RBFOX1: variants seen among roughly 807,000 people sequenced by gnomAD.
RBFOX1 encodes the protein RNA binding protein fox-1 homolog 1.
A neutral mutation model predicts 57.7 loss-of-function variants in RBFOX1; 8 were observed. That is an observed-to-expected ratio of 0.14 (90% CI 0.08 to 0.25). The LOEUF (loss-of-function observed/expected upper bound fraction) is 0.25. RBFOX1 is among the 10% of genes least tolerant of loss of function. RBFOX1 has a pLI of 1.00. For synonymous variants in RBFOX1, 326 were observed against 222.4 expected (o/e 1.47, Z -4.15); for missense variants, 611 against 548.5 (o/e 1.11, Z -1.14).
intron 3 of RBFOX1, among the ~76,000 whole-genome samples, chr16:6,735,221 G>A (rs879706916): frequency 6.6e-6 from 1 of 152,128 alleles, no homozygotes; most frequent in African/African-American, 2.4e-5. Flanking sequence ...ATTGCTAGAT[G>A]CACATGATTT....
intron 3 of RBFOX1, among the ~76,000 whole-genome samples, chr16:5,764,618 A>G (rs896550310): frequency 6.6e-6 from 1 of 152,152 alleles, no homozygotes; most frequent in Non-Finnish European, 1.5e-5. Flanking sequence ...GCATGCTGAG[A>G]CCTGGTAAGG....
intron 4 of RBFOX1, among the ~76,000 whole-genome samples, chr16:7,465,842 T>A (rs774658463): frequency 6.6e-6 from 1 of 152,212 alleles, no homozygotes; most frequent in Non-Finnish European, 1.5e-5. Context: ...CTGGAATAAC[T>A]GATGTCGAGT....
At chr16:5,532,382 G>A (rs2044518142) in intron 2 of RBFOX1, among the ~76,000 whole-genome samples, 1 of 152,070 alleles carries the variant, frequency 6.6e-6, no homozygotes, top group African/African-American at 2.4e-5. Context: ...TGTAGAATAC[G>A]GCATCAGTAC....
intron 1 of RBFOX1, among the ~76,000 whole-genome samples, chr16:6,043,202 G>C (rs1164506612): frequency 6.9e-6 from 1 of 145,454 alleles, no homozygotes; most frequent in African/African-American, 2.5e-5. Flanking sequence ...TGTTACGTAG[G>C]TTAAGCTTTC....
At chr16:5,841,723 G>T (rs1321375453) in intron 3 of RBFOX1, among the ~76,000 whole-genome samples, 1 of 152,174 alleles carries the variant, frequency 6.6e-6, no homozygotes, top group Non-Finnish European at 1.5e-5. Context: ...GGCCTGTAGA[G>T]GCCCAGTGCT....
intron 2 of RBFOX1, among the ~76,000 whole-genome samples, chr16:6,404,384 G>T (rs983717500): frequency 6.6e-6 from 1 of 152,068 alleles, no homozygotes; most frequent in African/African-American, 2.4e-5. Flanking sequence ...AATTTCTGTG[G>T]CTACTGAGGG....
intron 14 of RBFOX1, among the ~76,000 whole-genome samples, chr16:7,686,824 T>C (rs1454934847): frequency 2.0e-5 from 3 of 152,076 alleles, no homozygotes; most frequent in Admixed American, 6.6e-5. Flanking sequence ...CAGTGGGAAC[T>C]GGGGAGAATG....
At chr16:5,365,048 A>T (rs1369482020) in intron 1 of RBFOX1, among the ~76,000 whole-genome samples, 1 of 152,140 alleles carries the variant, frequency 6.6e-6, no homozygotes, top group Non-Finnish European at 1.5e-5. Context: ...ATTTGAGGTG[A>T]TTCCTCAGGG....
intron 4 of RBFOX1, among the ~76,000 whole-genome samples, chr16:7,152,889 A>C (rs904025045): frequency 1.3e-5 from 2 of 152,228 alleles, no homozygotes; most frequent in Non-Finnish European, 2.9e-5. Flanking sequence ...TCAAGTGGAC[A>C]TAAAAATGCA....
chr16:6,819,636 C>G (rs111501287), intron 3 of RBFOX1, among the ~76,000 whole-genome samples: 2 of 128,064 alleles, frequency 1.6e-5, no homozygotes, highest in Non-Finnish European at 3.1e-5. Flanking sequence ...ACCTGGGAAG[C>G]GGAGGTTGCA....
chr16:5,467,986 G>A (rs982251067), intron 2 of RBFOX1, among the ~76,000 whole-genome samples: 2 of 152,170 alleles, frequency 1.3e-5, no homozygotes, highest in Non-Finnish European at 2.9e-5. Context: ...GTGGATTGGG[G>A]ATGGTTTAAG....
At chr16:6,447,072 C>T (rs781572095) in intron 2 of RBFOX1, among the ~76,000 whole-genome samples, 9 of 152,140 alleles carry the variant, frequency 5.9e-5, no homozygotes, top group South Asian at 4.1e-4. Context: ...TCCTTTTCAA[C>T]GGGAAAACTT....
chr16:6,480,851 T>C (rs1227251620), intron 2 of RBFOX1, among the ~76,000 whole-genome samples: 2 of 152,224 alleles, frequency 1.3e-5, no homozygotes, highest in Non-Finnish European at 2.9e-5. Flanking sequence ...GCAATGGAGG[T>C]ATTCATATGT....
chr16:6,850,337 A>G (rs1221207884), intron 3 of RBFOX1, among the ~76,000 whole-genome samples: 1 of 152,196 alleles, frequency 6.6e-6, no homozygotes, highest in Non-Finnish European at 1.5e-5. Context: ...TTGTTCTACA[A>G]AATAAAATTA....
chr16:6,908,552 C>G (rs2070703826), intron 3 of RBFOX1, among the ~76,000 whole-genome samples: 1 of 152,208 alleles, frequency 6.6e-6, no homozygotes, highest in Non-Finnish European at 1.5e-5. Context: ...AACTACTTTT[C>G]AGAGTGCCAA....
At position 7,607,341 on chromosome 16, in the gene RBFOX1, A is replaced by G; in HGVS notation, c.676+3A>G. 6.2e-7 allele frequency: 1 copy of G among 1,609,288 alleles called. No individual in the cohort carries two copies. Among genetic ancestry groups the G allele is most frequent in the Non-Finnish European group, 8.5e-7 (1 of 1,178,622 alleles). On this transcript the variant is annotated splice_donor_region_variant and intron_variant, in intron 10 of 15. Transcript: ENST00000550418. The stretch of plus-strand genomic sequence containing the variant: ...CTACAGTCCCGAATTCTATGCAGGT[A>G]CAGAGTTTCTCTTTGCACGAAGTCT...
At chr16:7,493,465 A>G (rs1485217745) in intron 4 of RBFOX1, among the ~76,000 whole-genome samples, 1 of 152,220 alleles carries the variant, frequency 6.6e-6, no homozygotes, top group Admixed American at 6.5e-5. Context: ...ACCTATGCAG[A>G]CAGATTTAAG....
At chr16:6,272,848 C>A (rs1251067255) in intron 1 of RBFOX1, among the ~76,000 whole-genome samples, 1 of 152,090 alleles carries the variant, frequency 6.6e-6, no homozygotes, top group Non-Finnish European at 1.5e-5. Flanking sequence ...GATAACCTTT[C>A]AACATATGGT....
At chr16:5,597,693 G>T (rs561741456) in intron 2 of RBFOX1, among the ~76,000 whole-genome samples, 1 of 152,158 alleles carries the variant, frequency 6.6e-6, no homozygotes, top group South Asian at 2.1e-4. Flanking sequence ...AGAGCTTTAG[G>T]CATTGCTGAC....
Sources: gnomAD v4.1 joint callset for allele counts (sites outside exome capture counted in the v4.1 genomes callset) on GRCh38, gnomAD v4.1.1 for gene constraint, MANE v1.5 for transcripts, NCBI Gene and HGNC (gene_info 2026-07-23, HGNC 2026-07-21) for gene names.